IL1RN: variants seen among roughly 807,000 people sequenced by gnomAD.
IL1RN encodes the protein interleukin-1 receptor antagonist protein.
Under a neutral mutation model 13.7 loss-of-function variants are expected in IL1RN, and 10 were observed. That is an observed-to-expected ratio of 0.73 (90% CI 0.45 to 1.24). IL1RN has a LOEUF of 1.24. Ranked by LOEUF, IL1RN falls within the 50% of genes most tolerant of loss-of-function variation. The probability of loss-of-function intolerance (pLI) is 0.00; values close to 1 mark genes in which losing one functional copy is unlikely to be tolerated. For synonymous variants in IL1RN, 102 were observed against 82.7 expected, an observed-to-expected ratio of 1.23 and a Z score of -1.27; for missense variants, 213 against 222.1, an observed-to-expected ratio of 0.96 and a Z score of 0.26.
At chr2:113,112,193 A>G (rs1686511006) in intron 1 of IL1RN, among the ~76,000 whole-genome samples, 1 of 152,206 alleles carries the variant, frequency 6.6e-6, no homozygotes, top group Non-Finnish European at 1.5e-5. Context: ...GGCCTCAGAA[A>G]AGGAAGCTGG....
upstream of IL1RN, among the ~76,000 whole-genome samples, chr2:113,126,298 C>T (rs1185663673): frequency 2.0e-5 from 3 of 152,066 alleles, no homozygotes; most frequent in Non-Finnish European, 2.9e-5. Flanking sequence ...TAATAAAGCC[C>T]GGGGCTGGAG....
chr2:113,116,589 C>T (rs143883115), upstream of IL1RN, among the ~76,000 whole-genome samples: 14 of 151,118 alleles, frequency 9.3e-5, no homozygotes, highest in Admixed American at 2.6e-4. Flanking sequence ...GGGAATGAGT[C>T]CAGGTCTGCA....
At chr2:113,131,185 A>T (rs756841187) in intron 3 of IL1RN, 28 bp downstream of exon 3, 1 of 1,454,424 alleles carries the variant, frequency 6.9e-7, no homozygotes, top group South Asian at 1.1e-5. Context: ...ATCTCAAATC[A>T]CCCCAAAACC....
chr2:113,120,163 T>G lies in IL1RN; in HGVS notation c.73+35T>G. 1.4e-6 allele frequency: 2 copies of G among 1,452,008 alleles called. 1 individual carries two copies. The highest frequency in any genetic ancestry group is 2.3e-5 in the South Asian group (2 of 87,832). 89.9% of individuals were successfully genotyped at this position (1,452,008 alleles called of 1,614,324 possible). A position where few individuals can be genotyped will look rare whatever the true frequency, so the allele number is the denominator to read the frequency against. ...TTTTAGGATCCAAGTTTGAAAACAA[T>G]TTTAGGCTACTAGATATGAACAACA... On this transcript the variant is annotated intron_variant, in intron 2 of 5. Transcript: ENST00000259206.
chr2:113,129,478 T>C, intron 1 of IL1RN, 98 bp from the exon 2 acceptor site: 1 of 798,164 alleles, frequency 1.3e-6, no homozygotes, highest in Non-Finnish European at 2.3e-6. Flanking sequence ...AAGAGCTGGA[T>C]GCAAATTTGA....
chr2:113,117,467 C>T (rs1340317051), upstream of IL1RN: 1 of 158,360 alleles, frequency 6.3e-6, no homozygotes, highest in African/African-American at 2.4e-5. Flanking sequence ...TTTGGATTTT[C>T]CCTATAGCAA....
intron 3 of IL1RN, among the ~76,000 whole-genome samples, chr2:113,131,930 C>A (rs907176710): frequency 6.6e-6 from 1 of 152,280 alleles, no homozygotes; most frequent in Non-Finnish European, 1.5e-5. Context: ...AGGGTGACTG[C>A]CTGTTCTGTG....
chr2:113,127,350 A>T (rs1686997412), upstream of IL1RN: 1 of 542,796 alleles, frequency 1.8e-6, no homozygotes, highest in African/African-American at 2.1e-5. Context: ...TCTTCTTCCC[A>T]GGAACTCAAT....
At chr2:113,112,664 C>T (rs1026813424) in intron 1 of IL1RN, among the ~76,000 whole-genome samples, 23 of 152,228 alleles carry the variant, frequency 1.5e-4, no homozygotes, top group Non-Finnish European at 3.2e-4. Flanking sequence ...CCATCTTCCT[C>T]CTCTGACCCC....
chr2:113,132,981 A>AG lies in IL1RN; in HGVS notation c.*114dup. 2 of 1,046,868 alleles carry AG rather than the reference A, an allele frequency of 1.9e-6. No individual in the cohort carries two copies. The highest frequency in any genetic ancestry group is 3.0e-6 in the Non-Finnish European group (2 of 674,080). 64.8% of individuals were successfully genotyped at this position (1,046,868 alleles called of 1,614,324 possible). A position where few individuals can be genotyped will look rare whatever the true frequency, so the allele number is the denominator to read the frequency against. On this transcript the variant is annotated 3_prime_UTR_variant, in exon 4 of 4. Coordinates refer to ENST00000409930, the MANE Select transcript of IL1RN (RefSeq NM_173842.3). ...TGGGGGCACTGAGGACCAGCCATTG[A>AG]GGGGTGGACCCTCAGAAGGCGTCAC...
intron 3 of IL1RN, among the ~76,000 whole-genome samples, chr2:113,131,426 G>A (rs143023170): frequency 1.2e-3 from 182 of 152,236 alleles, no homozygotes; most frequent in African/African-American, 4.1e-3. Context: ...ACAGCATGGC[G>A]GCTGACTTCC....
rs1239353943 is a variant in IL1RN, at chr2:113,132,983, G to T, written c.*112G>T. 5 of 1,030,768 alleles carry T rather than the reference G, an allele frequency of 4.9e-6. No homozygotes were observed. Among genetic ancestry groups the T allele is most frequent in the Non-Finnish European group, 7.6e-6 (5 of 660,210 alleles). The allele number at this position is 1,030,768 out of a possible 1,614,324, so 63.9% of individuals were successfully genotyped here. A position where few individuals can be genotyped will look rare whatever the true frequency, so the allele number is the denominator to read the frequency against. ...GGGGCACTGAGGACCAGCCATTGAG[G>T]GGTGGACCCTCAGAAGGCGTCACAA... is the stretch of plus-strand genomic sequence containing the variant. On this transcript the variant is annotated 3_prime_UTR_variant, in exon 4 of 4. Coordinates refer to ENST00000409930, the MANE Select transcript of IL1RN (RefSeq NM_173842.3).
chr2:113,126,155 G>A (rs1558866599), upstream of IL1RN, among the ~76,000 whole-genome samples: 3 of 152,186 alleles, frequency 2.0e-5, no homozygotes. Flanking sequence ...GGGCCAAGGA[G>A]ACATTTTTTT....
chr2:113,120,575 T>A (rs751825081), intron 2 of IL1RN, among the ~76,000 whole-genome samples: 1 of 152,160 alleles, frequency 6.6e-6, no homozygotes, highest in Non-Finnish European at 1.5e-5. Context: ...TGGCAAGGTG[T>A]AGAACTTTCA....
upstream of IL1RN, among the ~76,000 whole-genome samples, chr2:113,106,600 T>A (rs921680636): frequency 1.4e-4 from 21 of 152,078 alleles, no homozygotes; most frequent in African/African-American, 5.1e-4. Context: ...TAACTTAATG[T>A]GGCCTCTCTT....
upstream of IL1RN, among the ~76,000 whole-genome samples, chr2:113,123,498 C>T (rs1686850694): frequency 6.6e-6 from 1 of 152,208 alleles, no homozygotes; most frequent in Non-Finnish European, 1.5e-5. Flanking sequence ...TACTGAAGCC[C>T]TCCTCTGAAT....
At chr2:113,117,416 A>G (rs922050591), upstream of IL1RN, 1 of 153,680 alleles carries the variant, frequency 6.5e-6, no homozygotes, top group African/African-American at 2.4e-5. Flanking sequence ...CTTTCCCTAA[A>G]ATAGCCACCC....
chr2:113,101,032 G>C, the IL1RN span, among the ~76,000 whole-genome samples: 4 of 152,200 alleles, frequency 2.6e-5, no homozygotes, highest in Admixed American at 2.0e-4. Context: ...AGCTTATATA[G>C]TGTCTTCAAC....
upstream of IL1RN, among the ~76,000 whole-genome samples, chr2:113,117,321 T>A (rs979250476): frequency 6.6e-6 from 1 of 152,194 alleles, no homozygotes. Flanking sequence ...TGCTGTTCCC[T>A]CCACCTGGAA....
Sources: allele counts gnomAD v4.1 joint callset (sites outside exome capture counted in the v4.1 genomes callset), GRCh38; gene constraint gnomAD v4.1.1; transcripts MANE v1.5; gene names NCBI Gene and HGNC (gene_info 2026-07-23, HGNC 2026-07-21).